SLC2A13: variants seen among roughly 807,000 people sequenced by gnomAD.
SLC2A13 encodes proton myo-inositol cotransporter.
A neutral mutation model predicts 64.4 loss-of-function variants in SLC2A13; 32 were observed. The observed-to-expected ratio is 0.50, with a 90% CI of 0.37 to 0.67. The LOEUF is 0.67. Ranked by LOEUF, SLC2A13 falls within the 30% of genes least tolerant of loss-of-function variation. The probability of loss-of-function intolerance (pLI) is 0.00; values close to 1 mark genes in which losing one functional copy is unlikely to be tolerated. For synonymous variants in SLC2A13, 338 were observed against 327.1 expected (o/e 1.03, Z -0.36); for missense variants, 743 against 829.2 (o/e 0.90, Z 1.28).
intron 4 of SLC2A13, among the ~76,000 whole-genome samples, chr12:39,896,498 A>G (rs562093561): frequency 1.0e-4 from 15 of 147,566 alleles, no homozygotes; most frequent in South Asian, 2.1e-4. Context: ...ATGTACACAT[A>G]TATGTATGTA....
chr12:40,075,743 C>T (rs938013057), intron 1 of SLC2A13, among the ~76,000 whole-genome samples: 3 of 152,200 alleles, frequency 2.0e-5, no homozygotes, highest in African/African-American at 7.2e-5. Flanking sequence ...TGTTAGAAAT[C>T]CAAATATTGT....
intron 7 of SLC2A13, among the ~76,000 whole-genome samples, chr12:39,796,803 T>C (rs750702740): frequency 9.2e-5 from 14 of 152,222 alleles, no homozygotes; most frequent in African/African-American, 1.7e-4. Flanking sequence ...ATTCTCCTGC[T>C]AGATGGTTTT....
intron 4 of SLC2A13, among the ~76,000 whole-genome samples, chr12:39,914,649 A>G (rs1211193392): frequency 6.6e-6 from 1 of 151,930 alleles, no homozygotes; most frequent in East Asian, 1.9e-4. Context: ...AACTGCAATT[A>G]CTTTTGCACC....
Position 39,757,340 on chromosome 12 carries a change from G to T in SLC2A13, c.*2686C>A, listed in dbSNP as rs1939996331. ...GGTCAAATCACATCATATATAAATT[G>T]TCCTACAAAATATATATTTGATGAT... is the stretch of plus-strand genomic sequence containing the variant. On this transcript the variant is annotated 3_prime_UTR_variant, in exon 10 of 10. Coordinates refer to ENST00000280871, the MANE Select transcript of SLC2A13 (RefSeq NM_052885.4). The T allele has an allele frequency of 6.6e-6, 1 of 151,658 alleles. No homozygotes were observed. Among genetic ancestry groups the T allele is most frequent in the Non-Finnish European group, 1.5e-5 (1 of 67,702 alleles). 9.4% of individuals were successfully genotyped at this position (151,658 alleles called of 1,614,324 possible). A position where few individuals can be genotyped will look rare whatever the true frequency, so the allele number is the denominator to read the frequency against.
chr12:39,896,122 A>G (rs1339483117), intron 4 of SLC2A13, among the ~76,000 whole-genome samples: 1 of 149,248 alleles, frequency 6.7e-6, no homozygotes, highest in Non-Finnish European at 1.5e-5. Flanking sequence ...GAATGCATAC[A>G]TATATGTATA....
At chr12:39,828,316 A>AT (rs549786130) in intron 7 of SLC2A13, among the ~76,000 whole-genome samples, 148 of 148,660 alleles carry the variant, frequency 1.0e-3, no homozygotes, top group South Asian at 4.0e-3. Flanking sequence ...TGTGAACATC[A>AT]TTTTTTTTTT....
At chr12:39,848,339 C>A (rs1943375553) in intron 6 of SLC2A13, among the ~76,000 whole-genome samples, 1 of 151,960 alleles carries the variant, frequency 6.6e-6, no homozygotes, top group South Asian at 2.1e-4. Context: ...AAAAGAAAAA[C>A]AACCCCATTA....
At chr12:39,899,396 G>A (rs1254251659) in intron 4 of SLC2A13, among the ~76,000 whole-genome samples, 15 of 151,920 alleles carry the variant, frequency 9.9e-5, no homozygotes, top group South Asian at 2.1e-4. Context: ...TCTTGCTAGC[G>A]GTCTATCAAT....
intron 6 of SLC2A13, among the ~76,000 whole-genome samples, chr12:39,854,023 T>TA (rs1943538288): frequency 6.6e-6 from 1 of 152,114 alleles, no homozygotes. Flanking sequence ...GGCTTAAAAC[T>TA]CTTCTCTTTG....
chr12:39,837,698 C>T (rs1943053235), intron 6 of SLC2A13, among the ~76,000 whole-genome samples: 1 of 152,114 alleles, frequency 6.6e-6, no homozygotes, highest in Non-Finnish European at 1.5e-5. Context: ...ACAGACACTT[C>T]TCAAAAGAAG....
At chr12:40,013,439 C>T (rs1947566935) in intron 3 of SLC2A13, among the ~76,000 whole-genome samples, 1 of 152,220 alleles carries the variant, frequency 6.6e-6, no homozygotes, top group Admixed American at 6.5e-5. Context: ...TTACAACTAT[C>T]TCCATGCTAC....
chr12:39,839,994 C>T (rs1463519328), intron 6 of SLC2A13, among the ~76,000 whole-genome samples: 1 of 151,988 alleles, frequency 6.6e-6, no homozygotes, highest in Admixed American at 6.6e-5. Context: ...TTCTATGTCT[C>T]AAGCATGTAT....
chr12:39,989,244 C>T (rs774809450), intron 3 of SLC2A13, among the ~76,000 whole-genome samples: 2 of 152,174 alleles, frequency 1.3e-5, no homozygotes, highest in African/African-American at 2.4e-5. Context: ...ACTCTCCTCA[C>T]GTATTTTAGT....
intron 4 of SLC2A13, among the ~76,000 whole-genome samples, chr12:39,932,047 T>C (rs1455524842): frequency 2.0e-5 from 3 of 152,178 alleles, no homozygotes; most frequent in African/African-American, 7.2e-5. Context: ...ATCTAGTTTA[T>C]TCATTTCCTA....
intron 1 of SLC2A13, among the ~76,000 whole-genome samples, chr12:40,099,050 G>A (rs1283864466): frequency 2.6e-5 from 4 of 152,198 alleles, no homozygotes; most frequent in Non-Finnish European, 2.9e-5. Flanking sequence ...GCTGCAGACC[G>A]CACCATTTCA....
intron 6 of SLC2A13, among the ~76,000 whole-genome samples, chr12:39,839,789 C>T (rs1046475288): frequency 2.0e-5 from 3 of 152,034 alleles, no homozygotes; most frequent in African/African-American, 7.2e-5. Context: ...TCCTTTGTTT[C>T]TCTTCTCTAA....
At chr12:39,925,660 A>G (rs921366431) in intron 4 of SLC2A13, among the ~76,000 whole-genome samples, 1 of 152,126 alleles carries the variant, frequency 6.6e-6, no homozygotes, top group African/African-American at 2.4e-5. Flanking sequence ...AATCTTTTTC[A>G]TGTCAATTAT....
intron 4 of SLC2A13, among the ~76,000 whole-genome samples, chr12:39,932,917 C>G (rs1497047): frequency 1 from 152,044 of 152,210 alleles, 75,939 homozygotes; most frequent in Non-Finnish European, 1. Context: ...CAAGCAGGCA[C>G]AGTCTGTGGA....
rs546396251 is a variant in SLC2A13, at chr12:39,806,934, A to T, written c.1445+23169T>A. Among the ~76,000 whole-genome samples, 21 of 152,326 alleles carry T rather than the reference A, an allele frequency of 1.4e-4. 1 individual carries two copies. The South Asian group carries it at 4.4e-3, about 32-fold the overall frequency. On this transcript the variant is annotated intron_variant, in intron 7 of 9. Transcript: ENST00000280871. ...ACTGACACATACAACATGAATCTCCAGAGAATTATGCTGAGAAAAAAGCCA... is the reference window on the plus strand; with the variant it reads ...ACTGACACATACAACATGAATCTCCTGAGAATTATGCTGAGAAAAAAGCCA...
Sources: allele counts gnomAD v4.1 joint callset (sites outside exome capture counted in the v4.1 genomes callset), GRCh38; gene constraint gnomAD v4.1.1; transcripts MANE v1.5; gene names NCBI Gene and HGNC (gene_info 2026-07-23, HGNC 2026-07-21).